UST: variants seen among roughly 807,000 people sequenced by gnomAD.
UST encodes the protein uronyl 2-sulfotransferase.
In UST, 21 loss-of-function variants were observed where a neutral mutation model predicts 45.6. The observed-to-expected ratio is 0.46, with a 90% confidence interval of 0.33 to 0.66. UST has a LOEUF of 0.66. UST is among the 30% of genes least tolerant of loss of function. The pLI, the probability that UST is intolerant of heterozygous loss-of-function variation, is 0.02. For missense variants in UST, 463 were observed against 512.4 expected (o/e 0.90, Z 0.93); for synonymous variants, 215 against 200.6 (o/e 1.07, Z -0.61).
At chr6:149,038,051 A>G (rs1776262000) in intron 7 of UST, among the ~76,000 whole-genome samples, 1 of 152,148 alleles carries the variant, frequency 6.6e-6, no homozygotes, top group Non-Finnish European at 1.5e-5. Context: ...CTAAAGAGAG[A>G]GAAACTCTGT....
At chr6:148,758,890 C>A (rs1156505503) in intron 1 of UST, among the ~76,000 whole-genome samples, 1 of 152,208 alleles carries the variant, frequency 6.6e-6, no homozygotes, top group Non-Finnish European at 1.5e-5. Context: ...CCTTGTCATC[C>A]AGCACAGAGC....
chr6:149,048,794 C>G lies in UST; in HGVS notation c.938-25039C>G, dbSNP rs554323469. On this transcript the variant is annotated intron_variant, in intron 7 of 7. Coordinates refer to ENST00000367463, the MANE Select transcript of UST (RefSeq NM_005715.3). ...AACCACATTCATAATCTAAGAAGTG[C>G]ATATTAAAATGAGACCATATTTTCT... Among the ~76,000 whole-genome samples the G allele has an allele frequency of 8.0e-4, 122 of 152,210 alleles. 1 individual carries two copies. Among genetic ancestry groups the G allele is most frequent in the African/African-American group, 2.9e-3 (119 of 41,532 alleles).
intron 4 of UST, among the ~76,000 whole-genome samples, chr6:148,956,806 C>A (rs976985501): frequency 1.3e-5 from 2 of 152,186 alleles, no homozygotes; most frequent in Admixed American, 1.3e-4. Flanking sequence ...CTTCTGCAGT[C>A]AACATTAAAT....
At chr6:148,785,271 T>C (rs534982532) in intron 1 of UST, among the ~76,000 whole-genome samples, 1 of 152,204 alleles carries the variant, frequency 6.6e-6, no homozygotes, top group East Asian at 1.9e-4. Context: ...TTATAGTCTG[T>C]GTCACACTTC....
intron 1 of UST, among the ~76,000 whole-genome samples, chr6:148,818,157 A>G (rs1777389978): frequency 6.6e-6 from 1 of 152,186 alleles, no homozygotes; most frequent in Admixed American, 6.5e-5. Context: ...GCCACATATG[A>G]TAAAATGAGC....
chr6:149,016,085 G>A (rs984731673), intron 5 of UST, among the ~76,000 whole-genome samples: 1 of 152,152 alleles, frequency 6.6e-6, no homozygotes, highest in African/African-American at 2.4e-5. Flanking sequence ...GGATCTTCCG[G>A]TCCAGTCATC....
intron 5 of UST, among the ~76,000 whole-genome samples, chr6:148,974,076 G>A (rs1327848935): frequency 6.6e-6 from 1 of 152,184 alleles, no homozygotes. Context: ...TGACTATAAG[G>A]AGGATGGAAA....
intron 3 of UST, among the ~76,000 whole-genome samples, chr6:148,949,447 T>C (rs1426475973): frequency 6.7e-6 from 1 of 148,676 alleles, no homozygotes; most frequent in Non-Finnish European, 1.5e-5. Context: ...TACTTATTCA[T>C]GGGGTTCTTG....
chr6:148,801,636 C>T (rs772711984), intron 1 of UST, among the ~76,000 whole-genome samples: 5 of 152,098 alleles, frequency 3.3e-5, no homozygotes, highest in Non-Finnish European at 5.9e-5. Context: ...AAACCCTCAA[C>T]CCTCTTTGGC....
intron 2 of UST, among the ~76,000 whole-genome samples, chr6:148,909,696 C>G (rs1203178715): frequency 1.3e-5 from 2 of 152,206 alleles, no homozygotes; most frequent in African/African-American, 4.8e-5. Context: ...TCCACTTTCA[C>G]TTAGAAAATT....
intron 1 of UST, among the ~76,000 whole-genome samples, chr6:148,781,262 G>A (rs925780834): frequency 6.6e-6 from 1 of 152,128 alleles, no homozygotes; most frequent in African/African-American, 2.4e-5. Flanking sequence ...GTGCTATTCC[G>A]GTGAACACGT....
chr6:148,909,510 T>A (rs985122449), intron 2 of UST, among the ~76,000 whole-genome samples: 1 of 152,254 alleles, frequency 6.6e-6, no homozygotes, highest in Admixed American at 6.5e-5. Context: ...AGACTCTACT[T>A]GTATTCCAAT....
chr6:149,062,253 A>G (rs1340058727), intron 7 of UST, among the ~76,000 whole-genome samples: 2 of 152,264 alleles, frequency 1.3e-5, no homozygotes, highest in Non-Finnish European at 2.9e-5. Context: ...CTTCTCTGTC[A>G]GCCTACTATC....
intron 7 of UST, among the ~76,000 whole-genome samples, chr6:149,035,355 C>T (rs1339734261): frequency 6.6e-6 from 1 of 152,128 alleles, no homozygotes; most frequent in Non-Finnish European, 1.5e-5. Flanking sequence ...TCTATTTGCT[C>T]CAGATTCCTT....
intron 2 of UST, among the ~76,000 whole-genome samples, chr6:148,889,325 T>A (rs1325150705): frequency 6.6e-6 from 1 of 152,170 alleles, no homozygotes; most frequent in Non-Finnish European, 1.5e-5. Context: ...CTAGAGAGAG[T>A]GATATGGCTA....
At chr6:149,018,824 G>A (rs3798592) in intron 5 of UST, among the ~76,000 whole-genome samples, 22,356 of 151,986 alleles carry the variant, frequency 0.15, 1,751 homozygotes, top group South Asian at 0.17. Context: ...GCGCCACCAC[G>A]AAGCACAGTG....
At chr6:148,782,889 C>T (rs1278823226) in intron 1 of UST, among the ~76,000 whole-genome samples, 1 of 152,212 alleles carries the variant, frequency 6.6e-6, no homozygotes, top group Non-Finnish European at 1.5e-5. Flanking sequence ...AAAGCAGCTG[C>T]AGAGCTTGAG....
intron 1 of UST, among the ~76,000 whole-genome samples, chr6:148,752,077 G>A (rs952396142): frequency 6.6e-6 from 1 of 152,156 alleles, no homozygotes; most frequent in African/African-American, 2.4e-5. Flanking sequence ...CACTTTAAAT[G>A]GAGATATAGA....
rs79940635 is a variant in UST at position 149,017,468 on chromosome 6, T to A, written c.682-1671T>A. On this transcript the variant is annotated intron_variant, in intron 5 of 7. Coordinates refer to ENST00000367463, the MANE Select transcript of UST (RefSeq NM_005715.3). The stretch of plus-strand genomic sequence containing the variant: ...GGAAAAATTCAGTATATTCTCATCT[T>A]CCTTTATGCCAACCACCAGAAAAAA... Among the ~76,000 whole-genome samples the A allele has an allele frequency of 4.7e-3, 710 of 152,324 alleles. 5 individuals carry two copies. Among genetic ancestry groups the A allele is most frequent in the African/African-American group, 0.017 (689 of 41,576 alleles).
Sources: allele counts gnomAD v4.1 joint callset (sites outside exome capture counted in the v4.1 genomes callset), GRCh38; gene constraint gnomAD v4.1.1; transcripts MANE v1.5; gene names NCBI Gene and HGNC (gene_info 2026-07-23, HGNC 2026-07-21).